The following PTPRT variants were observed in gnomAD, a reference collection of about 807,000 sequenced individuals.
The protein encoded by PTPRT is protein tyrosine phosphatase receptor type T, also known as receptor-type tyrosine-protein phosphatase T.
PTPRT carries 56 observed loss-of-function variants against 176.8 expected under a neutral mutation model. The observed-to-expected ratio is 0.32, with a 90% CI of 0.26 to 0.40. The LOEUF is 0.40. Ranked by LOEUF, PTPRT falls within the 10% of genes least tolerant of loss-of-function variation. The pLI is 1.00. For synonymous variants in PTPRT, 783 were observed against 739.0 expected, an observed-to-expected ratio of 1.06 and a Z score of -0.96; for missense variants, 1,540 against 1,908.2, an observed-to-expected ratio of 0.81 and a Z score of 3.60.
intron 1 of PTPRT, among the ~76,000 whole-genome samples, chr20:43,010,309 C>A (rs1404982733): frequency 1.3e-5 from 2 of 151,848 alleles, no homozygotes; most frequent in Non-Finnish European, 2.9e-5. Flanking sequence ...GTAAGGCTTC[C>A]AAGACCCAAG....
chr20:42,520,396 A>G (rs2072149952), intron 7 of PTPRT, among the ~76,000 whole-genome samples: 1 of 152,120 alleles, frequency 6.6e-6, no homozygotes, highest in South Asian at 2.1e-4. Context: ...AGTAACCAGT[A>G]TCATGACTTT....
intron 8 of PTPRT, among the ~76,000 whole-genome samples, chr20:42,471,648 T>C (rs1301752466): frequency 1.3e-5 from 2 of 152,062 alleles, no homozygotes; most frequent in African/African-American, 2.4e-5. Flanking sequence ...CCGGTGTTTT[T>C]TTTGTTTTGT....
At chr20:42,056,949 C>T in the PTPRT span, among the ~76,000 whole-genome samples, 7 of 152,332 alleles carry the variant, frequency 4.6e-5, no homozygotes, top group South Asian at 2.1e-4. Flanking sequence ...GAGATCCCAG[C>T]GCAATCATCC....
intron 15 of PTPRT, among the ~76,000 whole-genome samples, chr20:42,208,514 C>T (rs2055532700): frequency 6.6e-6 from 1 of 151,982 alleles, no homozygotes; most frequent in African/African-American, 2.4e-5. Context: ...ATAAAACCGA[C>T]TTTAAACCAA....
intron 1 of PTPRT, among the ~76,000 whole-genome samples, chr20:43,131,129 T>C (rs1333917425): frequency 8.5e-5 from 13 of 152,234 alleles, no homozygotes; most frequent in Non-Finnish European, 1.9e-4. Context: ...CTCTAACAAG[T>C]ACTCCCAAGT....
intron 6 of PTPRT, among the ~76,000 whole-genome samples, chr20:42,728,843 T>A (rs1188359069): frequency 6.6e-6 from 1 of 152,188 alleles, no homozygotes; most frequent in African/African-American, 2.4e-5. Flanking sequence ...GGGGAAATCA[T>A]CTCATTTAAC....
At chr20:42,106,074 T>A (rs1480374766) in intron 24 of PTPRT, among the ~76,000 whole-genome samples, 2 of 152,092 alleles carry the variant, frequency 1.3e-5, no homozygotes, top group Non-Finnish European at 2.9e-5. Flanking sequence ...GTATGTGAGG[T>A]CTTAGGGACA....
chr20:42,931,649 G>A (rs1442267839), intron 1 of PTPRT, among the ~76,000 whole-genome samples: 1 of 152,198 alleles, frequency 6.6e-6, no homozygotes, highest in Non-Finnish European at 1.5e-5. Context: ...ACAAGAGAGG[G>A]AGCGGGTGAG....
At chr20:42,249,715 C>A (rs2056517905) in intron 13 of PTPRT, among the ~76,000 whole-genome samples, 1 of 152,220 alleles carries the variant, frequency 6.6e-6, no homozygotes, top group Non-Finnish European at 1.5e-5. Flanking sequence ...TGAATCCCTT[C>A]AAGTCATCTA....
intron 1 of PTPRT, among the ~76,000 whole-genome samples, chr20:43,160,882 C>A (rs2014674867): frequency 6.6e-6 from 1 of 151,092 alleles, no homozygotes; most frequent in Non-Finnish European, 1.5e-5. Flanking sequence ...GATAGCAATT[C>A]ACCAAGGTGG....
At chr20:42,601,136 C>T (rs549121031) in intron 7 of PTPRT, among the ~76,000 whole-genome samples, 11 of 152,118 alleles carry the variant, frequency 7.2e-5, no homozygotes, top group African/African-American at 9.7e-5. Context: ...TGGTAGCTCC[C>T]GCCTGATAGA....
At chr20:42,689,983 T>G (rs2075766190) in intron 6 of PTPRT, among the ~76,000 whole-genome samples, 1 of 152,110 alleles carries the variant, frequency 6.6e-6, no homozygotes, top group South Asian at 2.1e-4. Context: ...AATCAAAAAC[T>G]AATACAAGGA....
At chr20:42,527,273 T>C (rs150583282) in intron 7 of PTPRT, among the ~76,000 whole-genome samples, 1 of 152,248 alleles carries the variant, frequency 6.6e-6, no homozygotes, top group African/African-American at 2.4e-5. Context: ...GACTTCTTGG[T>C]TCTTTATTCA....
At chr20:42,647,956 A>C (rs1325195061) in intron 7 of PTPRT, among the ~76,000 whole-genome samples, 1 of 152,164 alleles carries the variant, frequency 6.6e-6, no homozygotes, top group Non-Finnish European at 1.5e-5. Context: ...GCTTTGCTGG[A>C]AATTTCTCGT....
intron 9 of PTPRT, among the ~76,000 whole-genome samples, chr20:42,366,876 C>T (rs181982634): frequency 1.3e-5 from 2 of 152,326 alleles, no homozygotes; most frequent in African/African-American, 2.4e-5. Context: ...TCTGCAGTCA[C>T]GCCTCATTAG....
chr20:42,070,112 C>G (rs950261907), downstream of PTPRT, among the ~76,000 whole-genome samples: 4 of 152,130 alleles, frequency 2.6e-5, no homozygotes, highest in Non-Finnish European at 5.9e-5. Context: ...GCTTCTGCTT[C>G]TATTCCTGTT....
chr20:42,107,043 A>C (rs1442777144), intron 23 of PTPRT, 122 bp from the exon 24 acceptor site: 2 of 1,269,958 alleles, frequency 1.6e-6, no homozygotes, highest in Non-Finnish European at 2.2e-6. Flanking sequence ...ATGTGTTCCC[A>C]CATTTCCTTT....
intron 16 of PTPRT, among the ~76,000 whole-genome samples, chr20:42,198,618 TA>T (rs1388348196): frequency 2.6e-5 from 4 of 152,216 alleles, no homozygotes; most frequent in African/African-American, 4.8e-5. Flanking sequence ...CCTGATATCT[TA>T]ACCACCCAAA....
chr20:42,448,222 C>T lies in PTPRT; in HGVS notation c.1558G>A (p.Glu520Lys), dbSNP rs750249800. 5 of 1,607,184 alleles carry T rather than the reference C, an allele frequency of 3.1e-6. No homozygotes were observed. The highest frequency in any genetic ancestry group is 2.7e-5 in the African/African-American group (2 of 74,732). The change falls in exon 9 of 31, where the codon GAG becomes AAG. Residue 520 changes from glutamate (E) to lysine (K), a missense_variant and splice_region_variant. Glu to Lys is a moderately conservative substitution (Grantham distance 56). Around this residue, in one of 11 missense-constraint regions of PTPRT, gnomAD observed 136 missense variants for 135.0 expected, o/e 1.01. Transcript: ENST00000373187. ...TGCAGCACAAGGGACCTCCTTACCT[C>T]GTAGAGCGTGATGACCCCATTGGTC... ...NETNGVITLYEINYKAVGSLD... is the reference protein window; with the variant it reads ...NETNGVITLYKINYKAVGSLD...
Sources: allele counts gnomAD v4.1 joint callset (sites outside exome capture counted in the v4.1 genomes callset), GRCh38; gene constraint gnomAD v4.1.1; regional missense constraint gnomAD v4.1.1; transcripts MANE v1.5; gene names NCBI Gene and HGNC (gene_info 2026-07-23, HGNC 2026-07-21).